Variants in COL6A5 observed in about 807,000 individuals in gnomAD.
COL6A5 encodes collagen alpha-5(VI) chain.
In COL6A5, 48 loss-of-function variants were observed where a neutral mutation model predicts 65.6. The ratio of observed to expected loss-of-function variants is 0.73; its 90% CI spans 0.58 to 0.93. The LOEUF (loss-of-function observed/expected upper bound fraction) is 0.93, where lower values mean the gene tolerates loss of function less well. Among genes scored for constraint, COL6A5 ranks in the 40% least tolerant of loss-of-function variants. COL6A5 has a pLI of 0.00. For synonymous variants in COL6A5, 291 were observed against 322.8 expected (o/e 0.90, Z 1.05); for missense variants, 914 against 928.3 (o/e 0.98, Z 0.20).
rs147566584 is a variant in COL6A5, at chr3:130,384,724, A to G, written c.1301-80A>G. On this transcript the variant is annotated intron_variant and NMD_transcript_variant, in intron 4 of 41. Transcript: ENST00000312481. ...AGTCTTCATTCTTTAGAAATGCCTC[A>G]GCCTCATGTTCCTTCACAAACCCTC... 7.7e-5 allele frequency: 89 copies of G among 1,153,036 alleles called. No individual in the cohort carries two copies. The African/African-American group carries it at 1.3e-3, about 16-fold the overall frequency. 71.4% of individuals were successfully genotyped at this position (1,153,036 alleles called of 1,614,324 possible).
intron 4 of COL6A5, among the ~76,000 whole-genome samples, chr3:130,450,507 T>C (rs1228627519): frequency 6.6e-6 from 1 of 152,120 alleles, no homozygotes; most frequent in African/African-American, 2.4e-5. Context: ...GCCCACAGAA[T>C]AGCTTTGTGG....
chr3:130,390,830 G>A (rs1936370035), intron 6 of COL6A5, among the ~76,000 whole-genome samples: 1 of 152,170 alleles, frequency 6.6e-6, no homozygotes, highest in Admixed American at 6.5e-5. Flanking sequence ...CATTGGCATG[G>A]AACTAGCTTC....
intron 5 of COL6A5, among the ~76,000 whole-genome samples, chr3:130,460,605 AGGTGACAAT>A (rs1709680232): frequency 6.6e-6 from 1 of 152,098 alleles, no homozygotes; most frequent in Non-Finnish European, 1.5e-5. Context: ...AGTATTAAGT[AGGTGACAAT>A]GGTGGTGATG....
intron 3 of COL6A5, 76 bp from the exon 4 acceptor site, chr3:130,379,342 T>C: frequency 5.3e-6 from 7 of 1,311,104 alleles, no homozygotes; most frequent in Non-Finnish European, 7.3e-6. Flanking sequence ...CTAATGTGCT[T>C]GATAATGTAA....
chr3:130,431,945 T>C, exon 1 of COL6A5: 1 of 1,548,672 alleles, frequency 6.5e-7, no homozygotes. Context: ...CTTGAAGCTT[T>C]TGGGGTAAGA....
At chr3:130,414,006 A>C in intron 21 of COL6A5, 63 bp from the exon 22 acceptor site, 6 of 1,244,160 alleles carry the variant, frequency 4.8e-6, no homozygotes, top group African/African-American at 1.5e-5. Flanking sequence ...AATAGTATGA[A>C]AAGAAAATCT....
chr3:130,392,603 C>T (rs1424943843), intron 7 of COL6A5, among the ~76,000 whole-genome samples: 2 of 152,088 alleles, frequency 1.3e-5, no homozygotes, highest in African/African-American at 4.8e-5. Context: ...TCCCTCCTTC[C>T]TCTTGTTTCT....
exon 1 of COL6A5, chr3:130,431,891 T>G: frequency 6.4e-7 from 1 of 1,551,620 alleles, no homozygotes. Context: ...TTTAGTGCCC[T>G]GGATATCAGT....
chr3:130,353,608 G>GA (rs1934801175), intron 1 of COL6A5, among the ~76,000 whole-genome samples: 1 of 151,230 alleles, frequency 6.6e-6, no homozygotes, highest in African/African-American at 2.4e-5. Context: ...ATGGCTTTGG[G>GA]AAAAAAATCA....
chr3:130,365,423 G>A (rs1479652841), intron 1 of COL6A5, among the ~76,000 whole-genome samples: 1 of 152,044 alleles, frequency 6.6e-6, no homozygotes, highest in African/African-American at 2.4e-5. Flanking sequence ...GACTACAGGC[G>A]CCCGCTACTA....
At chr3:130,429,624 A>G (rs1320779173), upstream of COL6A5, 8 of 1,515,682 alleles carry the variant, frequency 5.3e-6, no homozygotes, top group Non-Finnish European at 7.1e-6. Flanking sequence ...TGAGATCATT[A>G]CTGCTGCATT....
chr3:130,428,689 G>C (rs1937666899), upstream of COL6A5, among the ~76,000 whole-genome samples: 1 of 152,110 alleles, frequency 6.6e-6, no homozygotes, highest in Non-Finnish European at 1.5e-5. Flanking sequence ...TCAGGAAAAA[G>C]GGGTCTGTTT....
At chr3:130,427,405 G>A (rs1300031595), upstream of COL6A5, among the ~76,000 whole-genome samples, 1 of 152,146 alleles carries the variant, frequency 6.6e-6, no homozygotes, top group Non-Finnish European at 1.5e-5. Context: ...GTCATTGCAA[G>A]TATGTGGCAA....
Position 130,443,579 on chromosome 3 carries a change from G to T in COL6A5, c.1332+13G>T. ...ATGATGGTTTCCAGTAAGTTAGAAA[G>T]CTCTTATATTTACAAGTGACTGCTA... On this transcript the variant is annotated intron_variant, in intron 4 of 7. Coordinates refer to ENST00000512836, the Ensembl canonical transcript of COL6A5. 6 of 1,550,034 alleles carry T rather than the reference G, an allele frequency of 3.9e-6. No homozygotes were observed. Among genetic ancestry groups the T allele is most frequent in the Non-Finnish European group, 5.3e-6 (6 of 1,122,062 alleles).
chr3:130,459,657 A>T (rs1226874691), intron 5 of COL6A5, among the ~76,000 whole-genome samples: 1 of 151,942 alleles, frequency 6.6e-6, no homozygotes, highest in African/African-American at 2.4e-5. Context: ...TGGCAGACTC[A>T]CTAGACAGGC....
At chr3:130,362,362 G>C (rs550883773) in intron 1 of COL6A5, among the ~76,000 whole-genome samples, 1 of 126,868 alleles carries the variant, frequency 7.9e-6, no homozygotes, top group East Asian at 2.3e-4. Flanking sequence ...GTGGATGTCT[G>C]GTTGTTTCAG....
At chr3:130,385,513 T>A in intron 5 of COL6A5, 149 bp downstream of exon 5, 1 of 859,052 alleles carries the variant, frequency 1.2e-6, no homozygotes, top group Non-Finnish European at 1.8e-6. Flanking sequence ...ATTCAGCCCC[T>A]CACTTTTAAA....
intron 1 of COL6A5, among the ~76,000 whole-genome samples, chr3:130,357,985 C>G (rs1328311186): frequency 6.6e-6 from 1 of 151,862 alleles, no homozygotes; most frequent in Non-Finnish European, 1.5e-5. Context: ...GTCAGGTGAT[C>G]GAGACCATCC....
chr3:130,347,382 T>A lies in COL6A5; in HGVS notation c.-29+1401T>A, dbSNP rs187627753. Among the ~76,000 whole-genome samples the A allele has an allele frequency of 2.0e-5, 3 of 151,480 alleles. No homozygotes were observed. The East Asian group carries it at 5.8e-4, about 29-fold the overall frequency. ...ATTTAATTATTTTATATATATATAT[T>A]AAGTTAAAACATCTAAAAGGCTTTT... is the stretch of plus-strand genomic sequence containing the variant. On this transcript the variant is annotated intron_variant and NMD_transcript_variant, in intron 1 of 41. Coordinates refer to the COL6A5 transcript ENST00000312481.
Sources: allele counts gnomAD v4.1 joint callset (sites outside exome capture counted in the v4.1 genomes callset), GRCh38; gene constraint gnomAD v4.1.1; transcripts MANE v1.5; gene names NCBI Gene and HGNC (gene_info 2026-07-23, HGNC 2026-07-21).